KMT2E: variants seen among roughly 807,000 people sequenced by gnomAD.
The protein encoded by KMT2E is lysine methyltransferase 2E (inactive), also known as histone reader KMT2E.
Under a neutral mutation model 184.6 loss-of-function variants are expected in KMT2E, and 30 were observed. The observed-to-expected ratio is 0.16, with a 90% CI of 0.12 to 0.22. The LOEUF (loss-of-function observed/expected upper bound fraction) is 0.22, where lower values mean the gene tolerates loss of function less well. Among genes scored for constraint, KMT2E ranks in the 10% least tolerant of loss-of-function variants. KMT2E has a pLI of 1.00. For missense variants in KMT2E, 2,023 were observed against 2,237.4 expected, an observed-to-expected ratio of 0.90 and a Z score of 1.93; for synonymous variants, 815 against 776.5, an observed-to-expected ratio of 1.05 and a Z score of -0.82.
At chr7:105,032,169 C>T (rs1169202652) in intron 1 of KMT2E, among the ~76,000 whole-genome samples, 3 of 149,558 alleles carry the variant, frequency 2.0e-5, no homozygotes, top group South Asian at 2.1e-4. Context: ...TGGGGCTGGG[C>T]GTGGTGGCTC....
chr7:105,086,004 T>A (rs1233501765), intron 13 of KMT2E, among the ~76,000 whole-genome samples: 1 of 152,226 alleles, frequency 6.6e-6, no homozygotes, highest in African/African-American at 2.4e-5. Context: ...TTTTACTATG[T>A]CTGTATTTGT....
intron 1 of KMT2E, among the ~76,000 whole-genome samples, chr7:105,031,805 C>T (rs189205662): frequency 2.6e-5 from 4 of 151,498 alleles, no homozygotes; most frequent in Admixed American, 6.6e-5. Context: ...CATGGTGGCT[C>T]ATGCCTGTAA....
At chr7:105,076,468 AG>A (rs1294450915) in intron 9 of KMT2E, among the ~76,000 whole-genome samples, 1 of 152,262 alleles carries the variant, frequency 6.6e-6, no homozygotes, top group Non-Finnish European at 1.5e-5. Flanking sequence ...TAGTCAAGTC[AG>A]TTGTCATACT....
intron 1 of KMT2E, among the ~76,000 whole-genome samples, chr7:105,026,545 G>T (rs1434252451): frequency 6.6e-6 from 1 of 152,162 alleles, no homozygotes; most frequent in Non-Finnish European, 1.5e-5. Flanking sequence ...TGATGATTGT[G>T]TTGGTTAACA....
intron 12 of KMT2E, among the ~76,000 whole-genome samples, chr7:105,079,974 G>T (rs900044597): frequency 2.6e-5 from 4 of 152,022 alleles, no homozygotes; most frequent in African/African-American, 9.7e-5. Flanking sequence ...CTTCTGAGTA[G>T]CTGGGACCAC....
Position 105,090,067 on chromosome 7 carries a change from CGTA to C in KMT2E, c.1420_1422del (p.Ser475del), listed in dbSNP as rs1178261160. 2 of 1,613,484 alleles carry C rather than the reference CGTA, an allele frequency of 1.2e-6. No homozygotes were observed. Among genetic ancestry groups the C allele is most frequent in the Middle Eastern group, 1.6e-4 (1 of 6,080 alleles). Reference sequence around the variant, plus strand: ...AAACCCAGAGTGCCCTGTTCTAAAACGTAGTTCTGAATCCATGGAAAATATCAA... The same window carrying C: ...AAACCCAGAGTGCCCTGTTCTAAAACGTTCTGAATCCATGGAAAATATCAA... On this transcript the variant is annotated inframe_deletion, in exon 14 of 27. Coordinates refer to ENST00000311117, the MANE Select transcript of KMT2E (RefSeq NM_182931.3).
chr7:105,074,424 G>T (rs1797448467), intron 7 of KMT2E, among the ~76,000 whole-genome samples: 1 of 152,216 alleles, frequency 6.6e-6, no homozygotes, highest in South Asian at 2.1e-4. Flanking sequence ...CACACCACCA[G>T]AGTGTGTTAT....
At chr7:105,060,662 C>T (rs1796780310) in intron 3 of KMT2E, among the ~76,000 whole-genome samples, 1 of 152,040 alleles carries the variant, frequency 6.6e-6, no homozygotes. Context: ...TCCTGAACTC[C>T]AGGCTTCAAG....
chr7:105,114,959 C>CTGAT lies in KMT2E; in HGVS notation c.*1627_*1630dup, dbSNP rs940203533. Among the ~76,000 whole-genome samples, 55 of 152,194 alleles carry CTGAT rather than the reference C, an allele frequency of 3.6e-4. No homozygotes were observed. Among genetic ancestry groups the CTGAT allele is most frequent in the Middle Eastern group, 3.4e-3 (1 of 294 alleles). On this transcript the variant is annotated 3_prime_UTR_variant, in exon 27 of 27. Coordinates refer to ENST00000311117, the MANE Select transcript of KMT2E (RefSeq NM_182931.3). ...AAGAAATGGTTTTACATCATCTATC[C>CTGAT]TGATAGTTTCAAACAGAATAAAGGT...
chr7:105,033,370 A>C lies in KMT2E; in HGVS notation c.-188-4756A>C, dbSNP rs948475968. Among the ~76,000 whole-genome samples the C allele has an allele frequency of 3.1e-4, 47 of 152,394 alleles. 1 individual carries two copies. Among genetic ancestry groups the C allele is most frequent in the African/African-American group, 1.0e-3 (43 of 41,592 alleles). ...GAGTTGCATATGGTTGTAAGAAATA[A>C]TAGAGAAATTCTATGTATTTTTACC... On this transcript the variant is annotated intron_variant, in intron 1 of 26. Coordinates refer to ENST00000311117, the MANE Select transcript of KMT2E (RefSeq NM_182931.3).
At chr7:105,014,781 C>G (rs1037345419) in intron 1 of KMT2E, among the ~76,000 whole-genome samples, 2 of 151,928 alleles carry the variant, frequency 1.3e-5, no homozygotes, top group Non-Finnish European at 2.9e-5. Context: ...GGCAGTTAAA[C>G]CCCCTTGAGA....
intron 15 of KMT2E, among the ~76,000 whole-genome samples, chr7:105,094,206 C>T (rs1490854152): frequency 1.3e-5 from 2 of 151,996 alleles, no homozygotes; most frequent in East Asian, 3.8e-4. Context: ...TTTTATTTTC[C>T]TAGTCTTGAT....
Position 105,060,933 on chromosome 7 carries a change from A to G in KMT2E, c.72-1231A>G, listed in dbSNP as rs549447341. On this transcript the variant is annotated intron_variant, in intron 3 of 26. Coordinates refer to ENST00000311117, the MANE Select transcript of KMT2E (RefSeq NM_182931.3). ...TCTAGGTTTGTGTAAAGTACACTCT[A>G]TCATGTTCACACAACGGTGAAATCA... Among the ~76,000 whole-genome samples, 5 of 152,324 alleles carry G rather than the reference A, an allele frequency of 3.3e-5. No homozygotes were observed. In the South Asian group the frequency reaches 6.2e-4, roughly 19 times the overall value.
rs546519781 is a variant in KMT2E, at chr7:105,112,670, G to A, written c.4914G>A (p.Pro1638=). 5.0e-5 allele frequency: 80 copies of A among 1,613,360 alleles called. No homozygotes were observed. The highest frequency in any genetic ancestry group is 5.7e-5 in the Non-Finnish European group (67 of 1,179,914). ...PPPPPPPAPG[P]HLVQQPNSHQ... is the part of the protein sequence containing the mutation. The stretch of plus-strand genomic sequence containing the variant: ...CTCCACCACCACCTGCTCCAGGACC[G>A]CACCTTGTACAACAGCCGAATTCCC... Residue 1638 remains proline (P), a synonymous_variant, in exon 27 of 27, where the codon CCG becomes CCA. Coordinates refer to ENST00000311117, the MANE Select transcript of KMT2E (RefSeq NM_182931.3).
Position 105,106,594 on chromosome 7 carries a change from C to G in KMT2E, c.2669C>G (p.Pro890Arg). 1 of 1,613,748 alleles carries G rather than the reference C, an allele frequency of 6.2e-7. No individual in the cohort carries two copies. Among genetic ancestry groups the G allele is most frequent in the Non-Finnish European group, 8.5e-7 (1 of 1,179,672 alleles). Residue 890 changes from proline to arginine, a missense_variant, in exon 20 of 27, where the codon CCT (proline) becomes CGT (arginine). Transcript: ENST00000311117. Reference sequence around the variant, plus strand: ...TCGGTTTACTCAGAAACCTCCACACCTACTCCTTCCCCGTATGCTACACCA... The same window carrying G: ...TCGGTTTACTCAGAAACCTCCACACGTACTCCTTCCCCGTATGCTACACCA... ...LDSVYSETST[P>R]TPSPYATPTH...
intron 3 of KMT2E, among the ~76,000 whole-genome samples, chr7:105,043,706 GGTT>G (rs1795984429): frequency 1.3e-5 from 2 of 152,076 alleles, no homozygotes. Context: ...ACAGAGTAGT[GGTT>G]GTTCTTCCTT....
Position 105,106,595 on chromosome 7 carries a change from T to C in KMT2E, c.2670T>C (p.Pro890=). The part of the protein sequence containing the change: ...LDSVYSETST[P]TPSPYATPTH... ...CGGTTTACTCAGAAACCTCCACACC[T>C]ACTCCTTCCCCGTATGCTACACCAA... Residue 890 remains proline (P), a synonymous_variant, in exon 20 of 27, where the codon CCT becomes CCC. Coordinates refer to ENST00000311117, the MANE Select transcript of KMT2E (RefSeq NM_182931.3). The C allele has an allele frequency of 6.2e-7, 1 of 1,613,798 alleles. No individual in the cohort carries two copies. The highest frequency in any genetic ancestry group is 1.3e-5 in the African/African-American group (1 of 75,028).
rs199582008 is a variant in KMT2E, at chr7:105,051,096, C to T, written c.71+10073C>T. 9.0e-3 allele frequency among the ~76,000 whole-genome samples: 633 copies of T among 70,586 alleles called. 2 individuals carry two copies. Among genetic ancestry groups the T allele is most frequent in the Non-Finnish European group, 0.015 (413 of 27,790 alleles). 46.3% of individuals were successfully genotyped at this position (70,586 alleles called of 152,430 possible). ...CTTTCTTCTTCTTTCTTTCTTTTTT[C>T]TCTCTCTCTCTCTTTCTTCCTTTCC... On this transcript the variant is annotated intron_variant, in intron 3 of 26. Transcript: ENST00000311117.
chr7:105,073,572 T>C (rs183599286), intron 6 of KMT2E, 47 bp from the exon 7 acceptor site: 114 of 1,173,914 alleles, frequency 9.7e-5, no homozygotes, highest in Non-Finnish European at 4.2e-5. Flanking sequence ...TTAAGACAGA[T>C]CTGCTTCATG....
Sources: gnomAD v4.1 joint callset for allele counts (sites outside exome capture counted in the v4.1 genomes callset) on GRCh38, gnomAD v4.1.1 for gene constraint, MANE v1.5 for transcripts, NCBI Gene and HGNC (gene_info 2026-07-23, HGNC 2026-07-21) for gene names.